The following ST6GALNAC1 variants were observed in gnomAD, a reference collection of about 807,000 sequenced individuals.
ST6GALNAC1 encodes alpha-N-acetylgalactosaminide alpha-2,6-sialyltransferase 1.
In ST6GALNAC1, 45 loss-of-function variants were observed where a neutral mutation model predicts 56.8. The observed-to-expected ratio is 0.79, with a 90% CI of 0.62 to 1.02. ST6GALNAC1 has a LOEUF of 1.02. ST6GALNAC1 is among the 50% of genes least tolerant of loss of function. The probability of loss-of-function intolerance (pLI) is 0.00; values close to 1 mark genes in which losing one functional copy is unlikely to be tolerated. For synonymous variants in ST6GALNAC1, 295 were observed against 297.8 expected (o/e 0.99, Z 0.10); for missense variants, 743 against 754.8 (o/e 0.98, Z 0.18).
At chr17:76,633,068 G>A (rs1006146356) in intron 1 of ST6GALNAC1, among the ~76,000 whole-genome samples, 1 of 151,926 alleles carries the variant, frequency 6.6e-6, no homozygotes, top group African/African-American at 2.4e-5. Context: ...AATTAGTTTG[G>A]TGTGTTGGCA....
In ST6GALNAC1 at chr17:76,627,850, C is replaced by A. The variant is rs1430528878; in HGVS notation, c.832-267G>T. On this transcript the variant is annotated intron_variant, in intron 2 of 8. Coordinates refer to ENST00000156626, the MANE Select transcript of ST6GALNAC1 (RefSeq NM_018414.5). This position sits in a 1 kb window ranked among gnomAD's most constrained non-coding sequence, Gnocchi z 4.4. ...TGGTGGCTCACGCCTGTAATCCTAG[C>A]ACTTTGGGAGGCCGAGGCGGGTGGA... 6.6e-6 allele frequency among the ~76,000 whole-genome samples: 1 copy of A among 152,178 alleles called. No homozygotes were observed. Among genetic ancestry groups the A allele is most frequent in the East Asian group, 1.9e-4 (1 of 5,174 alleles).
chr17:76,637,485 T>G (rs996337052), intron 1 of ST6GALNAC1: 12 of 381,918 alleles, frequency 3.1e-5, no homozygotes, highest in Middle Eastern at 6.6e-4. Flanking sequence ...TTCTGTATTT[T>G]TATAATTTTA....
rs761594316 is a variant in ST6GALNAC1, at chr17:76,627,585, T to C, written c.832-2A>G. The C allele has an allele frequency of 6.2e-6, 10 of 1,613,570 alleles. No individual in the cohort carries two copies. The Admixed American group carries it at 1.3e-4, about 22-fold the overall frequency. On this transcript the variant is annotated splice_acceptor_variant, in intron 2 of 8. Transcript: ENST00000156626. LOFTEE classifies it high-confidence loss of function. The surrounding 1 kb of genome is among the most constrained non-coding windows in gnomAD (Gnocchi z 4.4). ...GATCTTCACAGAGTCAGGGCAAGTC[T>C]ATATACAGGAGGACGAAGTCAGGAA...
chr17:76,627,385 C>T lies in ST6GALNAC1; in HGVS notation c.1000+30G>A. ...GCCCTCTGCCCCGGCCTACTGCGCA[C>T]CCACACCTTCCCCTGGGTTAAGGAC... On this transcript the variant is annotated intron_variant, in intron 3 of 8. Transcript: ENST00000156626. This position sits in a 1 kb window ranked among gnomAD's most constrained non-coding sequence, Gnocchi z 4.4. The T allele has an allele frequency of 6.2e-7, 1 of 1,612,816 alleles. No homozygotes were observed. The highest frequency in any genetic ancestry group is 8.5e-7 in the Non-Finnish European group (1 of 1,179,338).
intron 1 of ST6GALNAC1, chr17:76,641,804 C>A (rs1021639559): frequency 4.6e-5 from 7 of 152,126 alleles, no homozygotes; most frequent in African/African-American, 1.7e-4. Flanking sequence ...TAAACAGTAC[C>A]TACCCTGTGG....
rs538869881 is a variant in ST6GALNAC1, at chr17:76,636,728, TGAG to T, written c.131+6777_131+6779del. Among the ~76,000 whole-genome samples the T allele has an allele frequency of 4.4e-3, 676 of 152,028 alleles. 25 individuals carry two copies. Among genetic ancestry groups the T allele is most frequent in the Admixed American group, 0.039 (598 of 15,268 alleles). On this transcript the variant is annotated intron_variant, in intron 1 of 8. Coordinates refer to ENST00000156626, the MANE Select transcript of ST6GALNAC1 (RefSeq NM_018414.5). Reference sequence around the variant, plus strand: ...TCTGACCGCCGCCCCGTCTGGGAAGTGAGGAGCCCCTCTGCCCGGCCGCCACCC... The same window carrying T: ...TCTGACCGCCGCCCCGTCTGGGAAGTGAGCCCCTCTGCCCGGCCGCCACCC...
At chr17:76,639,750 G>T (rs2143488141) in intron 1 of ST6GALNAC1, among the ~76,000 whole-genome samples, 1 of 150,028 alleles carries the variant, frequency 6.7e-6, no homozygotes, top group Non-Finnish European at 1.5e-5. Flanking sequence ...AGCCAGGCCA[G>T]AGCTCAGACC....
At chr17:76,619,889 A>G (rs2143392473), downstream of ST6GALNAC1, among the ~76,000 whole-genome samples, 1 of 151,800 alleles carries the variant, frequency 6.6e-6, no homozygotes, top group Non-Finnish European at 1.5e-5. Context: ...GATTACAGGC[A>G]TGCACCGCCA....
rs183095809 is a variant in ST6GALNAC1 at position 76,643,712 on chromosome 17, G to A, written c.-74C>T. ...GATGTAGGCAGCTGGGAGTCTCACC[G>A]CTCAGGTTTCCTGGCCAGGAAGTGC... On this transcript the variant is annotated 5_prime_UTR_variant, in exon 1 of 9. Coordinates refer to ENST00000156626, the MANE Select transcript of ST6GALNAC1 (RefSeq NM_018414.5). The A allele has an allele frequency of 1.9e-3, 2,873 of 1,507,324 alleles. 12 individuals are homozygous for A. The highest frequency in any genetic ancestry group is 3.0e-3 in the Middle Eastern group (13 of 4,396). 93.4% of individuals were successfully genotyped at this position (1,507,324 alleles called of 1,614,324 possible).
intron 5 of ST6GALNAC1, 21 bp from the exon 6 acceptor site, chr17:76,626,413 G>C (rs1316346173): frequency 1.9e-6 from 3 of 1,611,168 alleles, no homozygotes; most frequent in Non-Finnish European, 2.5e-6. Context: ...AGGACAGGGA[G>C]TGGTCCAAAA....
In ST6GALNAC1 at chr17:76,627,568, C is replaced by T. The variant is rs760134115; in HGVS notation, c.847G>A (p.Val283Met). ...AGCGACTTGGAGGCTTTGATCTTCA[C>T]AGAGTCAGGGCAAGTCTATATACAG... is the stretch of plus-strand genomic sequence containing the variant. ...GGLQTTCPDSVKIKASKSLWL... is the reference protein window; with the variant it reads ...GGLQTTCPDSMKIKASKSLWL... Residue 283 changes from valine to methionine, a missense_variant, in exon 3 of 9, where the codon GTG becomes ATG. By Grantham distance (21) the Val-to-Met change is conservative. Coordinates refer to ENST00000156626, the MANE Select transcript of ST6GALNAC1 (RefSeq NM_018414.5). The surrounding 1 kb of genome is among the most constrained non-coding windows in gnomAD (Gnocchi z 4.4). The T allele has an allele frequency of 5.6e-6, 9 of 1,614,082 alleles. No homozygotes were observed. In the Admixed American group the frequency reaches 1.2e-4, roughly 21 times the overall value.
At chr17:76,639,839 G>T (rs1032717843) in intron 1 of ST6GALNAC1, among the ~76,000 whole-genome samples, 2 of 151,902 alleles carry the variant, frequency 1.3e-5, no homozygotes, top group African/African-American at 4.8e-5. Context: ...CTGGAGAGAG[G>T]CGGGCAGTAA....
Position 76,626,801 on chromosome 17 carries a change from G to A in ST6GALNAC1, c.1173-12C>T. On this transcript the variant is annotated splice_polypyrimidine_tract_variant and intron_variant, in intron 4 of 8. Transcript: ENST00000156626. Reference sequence around the variant, plus strand: ...GAGCTCCGCTCAATCTGTGCAGAAAGACACAATCAGACGGGACAGGTGAGC... The same window carrying A: ...GAGCTCCGCTCAATCTGTGCAGAAAAACACAATCAGACGGGACAGGTGAGC... 4 of 1,614,098 alleles carry A rather than the reference G, an allele frequency of 2.5e-6. No individual in the cohort carries two copies. Among genetic ancestry groups the A allele is most frequent in the Non-Finnish European group, 3.4e-6 (4 of 1,179,950 alleles).
chr17:76,617,504 A>G, the ST6GALNAC1 span, among the ~76,000 whole-genome samples: 88 of 152,300 alleles, frequency 5.8e-4, no homozygotes, highest in Admixed American at 5.7e-3. Context: ...AAAAGAAGGG[A>G]CATGTGGTTA....
intron 2 of ST6GALNAC1, 118 bp downstream of exon 2, chr17:76,628,894 G>T: frequency 1.0e-6 from 1 of 954,830 alleles, no homozygotes; most frequent in Non-Finnish European, 1.6e-6. Context: ...GCTTGGGGCA[G>T]GACAAGACAA....
rs926546244 is a variant in ST6GALNAC1, at chr17:76,626,906, C to T, written c.1173-117G>A. 6.0e-6 allele frequency: 9 copies of T among 1,500,404 alleles called. No individual in the cohort carries two copies. The African/African-American group carries it at 6.9e-5, about 12-fold the overall frequency. 92.9% of individuals were successfully genotyped at this position (1,500,404 alleles called of 1,614,324 possible). On this transcript the variant is annotated intron_variant, in intron 4 of 8. Transcript: ENST00000156626. ...CAGCAGTTATGTGCGGAAATTCTCTCGAGAGCCCAGGAATTCCACCTTCCA... is the reference window on the plus strand; with the variant it reads ...CAGCAGTTATGTGCGGAAATTCTCTTGAGAGCCCAGGAATTCCACCTTCCA...
At chr17:76,633,011 G>C (rs1173044312) in intron 1 of ST6GALNAC1, among the ~76,000 whole-genome samples, 2 of 152,098 alleles carry the variant, frequency 1.3e-5, no homozygotes, top group African/African-American at 4.8e-5. Context: ...TTCAAGACCA[G>C]CCTGGCCAAC....
intron 1 of ST6GALNAC1, among the ~76,000 whole-genome samples, chr17:76,632,176 C>T (rs569751974): frequency 6.6e-6 from 1 of 152,296 alleles, no homozygotes; most frequent in East Asian, 1.9e-4. Context: ...CAACCCCCAG[C>T]CTCAAGAAGC....
chr17:76,618,238 TTTC>T, the ST6GALNAC1 span, among the ~76,000 whole-genome samples: 1 of 152,194 alleles, frequency 6.6e-6, no homozygotes, highest in Non-Finnish European at 1.5e-5. Context: ...TAGACTTCTA[TTTC>T]TTCTTATGTT....
Sources: allele counts gnomAD v4.1 joint callset (sites outside exome capture counted in the v4.1 genomes callset), GRCh38; gene constraint gnomAD v4.1.1; non-coding constraint Gnocchi (gnomAD v3.1); transcripts MANE v1.5; gene names NCBI Gene and HGNC (gene_info 2026-07-23, HGNC 2026-07-21).